The following MAGI1 variants were observed in gnomAD, a reference collection of about 807,000 sequenced individuals.
MAGI1 encodes membrane-associated guanylate kinase, WW and PDZ domain-containing protein 1.
MAGI1 carries 58 observed loss-of-function variants against 139.9 expected under a neutral mutation model. That is an observed-to-expected ratio of 0.41 (90% confidence interval 0.34 to 0.52). The LOEUF (loss-of-function observed/expected upper bound fraction) is 0.52. Ranked by LOEUF, MAGI1 falls within the 20% of genes least tolerant of loss-of-function variation. The pLI is 0.12. For missense variants in MAGI1, 1,874 were observed against 1,901.6 expected (o/e 0.99, Z 0.27); for synonymous variants, 812 against 737.9 (o/e 1.10, Z -1.63).
intron 3 of MAGI1, among the ~76,000 whole-genome samples, chr3:65,492,564 T>C (rs894701914): frequency 1.3e-5 from 2 of 152,174 alleles, no homozygotes; most frequent in Non-Finnish European, 2.9e-5. Flanking sequence ...TATTAAGACA[T>C]ACTGTTAAAC....
chr3:65,641,373 A>G (rs549015355), intron 1 of MAGI1, among the ~76,000 whole-genome samples: 1 of 152,316 alleles, frequency 6.6e-6, no homozygotes, highest in South Asian at 2.1e-4. Flanking sequence ...ACCAGCGCCT[A>G]GGCCCCCACT....
chr3:65,953,533 C>T (rs2063965940), intron 1 of MAGI1, among the ~76,000 whole-genome samples: 1 of 152,206 alleles, frequency 6.6e-6, no homozygotes, highest in Admixed American at 6.5e-5. Context: ...TCTGTTGACA[C>T]TGTTGCCAGG....
chr3:65,778,193 G>A (rs1414596587), intron 1 of MAGI1, among the ~76,000 whole-genome samples: 3 of 152,102 alleles, frequency 2.0e-5, no homozygotes, highest in Non-Finnish European at 4.4e-5. Flanking sequence ...ACTTTGGGGG[G>A]CCAAGGCTGG....
intron 1 of MAGI1, among the ~76,000 whole-genome samples, chr3:65,707,576 G>C (rs1448839168): frequency 6.6e-6 from 1 of 151,602 alleles, no homozygotes; most frequent in Non-Finnish European, 1.5e-5. Flanking sequence ...TGTAGGCCCA[G>C]CTACTTGGGA....
chr3:65,746,723 T>C (rs913709889), intron 1 of MAGI1, among the ~76,000 whole-genome samples: 1 of 152,140 alleles, frequency 6.6e-6, no homozygotes, highest in Admixed American at 6.5e-5. Flanking sequence ...AGAAATAAAC[T>C]ATATTCAAGC....
intron 1 of MAGI1, among the ~76,000 whole-genome samples, chr3:65,910,854 A>ATTTTTTTTTTTTTTT (rs1560003976): frequency 2.5e-4 from 3 of 11,900 alleles, no homozygotes; most frequent in African/African-American, 5.7e-4. Flanking sequence ...GACATGGTGG[A>ATTTTTTTTTTTTTTT]CTTTTTTTTT....
In MAGI1 at chr3:66,017,380, A is replaced by C. The variant is rs954664840; in HGVS notation, c.313+20616T>G. 3.9e-5 allele frequency among the ~76,000 whole-genome samples: 6 copies of C among 152,228 alleles called. No individual in the cohort carries two copies. The East Asian group carries it at 1.2e-3, about 29-fold the overall frequency. On this transcript the variant is annotated intron_variant, in intron 1 of 22. Coordinates refer to ENST00000402939, the MANE Select transcript of MAGI1 (RefSeq NM_001033057.2). ...GGCACCAACGTCTCCCTCCCAACGG[A>C]GGGTGCAAGGAAGGGTGCCTGGCCT... is the stretch of plus-strand genomic sequence containing the variant.
chr3:65,516,641 C>G (rs1376695281), intron 2 of MAGI1, among the ~76,000 whole-genome samples: 2 of 150,798 alleles, frequency 1.3e-5, no homozygotes, highest in Non-Finnish European at 3.0e-5. Flanking sequence ...AAAACCTTAT[C>G]ACAATCATGA....
Position 65,402,454 on chromosome 3 carries a change from C to T in MAGI1, c.2168-984G>A, listed in dbSNP as rs78026541. Among the ~76,000 whole-genome samples the T allele has an allele frequency of 5.6e-3, 853 of 152,210 alleles. 16 individuals carry two copies. The East Asian group carries it at 0.067, about 12-fold the overall frequency. ...AGACAGGCGAGAAAGGAAAATAAAGCGTACACTGGTGTTTCAAAAGTAATC... is the reference window on the plus strand; with the variant it reads ...AGACAGGCGAGAAAGGAAAATAAAGTGTACACTGGTGTTTCAAAAGTAATC... On this transcript the variant is annotated intron_variant, in intron 12 of 22. Coordinates refer to ENST00000402939, the MANE Select transcript of MAGI1 (RefSeq NM_001033057.2).
intron 1 of MAGI1, among the ~76,000 whole-genome samples, chr3:65,866,829 A>C (rs1575764155): frequency 6.6e-6 from 1 of 152,196 alleles, no homozygotes; most frequent in Admixed American, 6.5e-5. Context: ...GTGGTCCCTT[A>C]CCAAGAGCAA....
intron 1 of MAGI1, among the ~76,000 whole-genome samples, chr3:65,623,338 CAAAAG>C (rs1230671750): frequency 2.0e-5 from 3 of 151,860 alleles, no homozygotes; most frequent in Non-Finnish European, 2.9e-5. Context: ...CTTAAGAGAA[CAAAAG>C]AAAAGCTAAA....
In MAGI1 at chr3:65,900,000, T is replaced by C. The variant is rs141017731; in HGVS notation, c.313+137996A>G. Among the ~76,000 whole-genome samples, 15 of 152,226 alleles carry C rather than the reference T, an allele frequency of 9.9e-5. No homozygotes were observed. The East Asian group carries it at 2.9e-3, about 29-fold the overall frequency. On this transcript the variant is annotated intron_variant, in intron 1 of 22. Transcript: ENST00000402939. ...CATATCTTGCAGTTAATCACTTACA[T>C]ACTTAGATCAAAGGGAGTAATCAAA...
intron 1 of MAGI1, among the ~76,000 whole-genome samples, chr3:65,715,845 G>A (rs1461835436): frequency 6.6e-6 from 1 of 152,176 alleles, no homozygotes; most frequent in African/African-American, 2.4e-5. Context: ...AAGAGTTTAG[G>A]TTGTAGAATT....
chr3:65,699,109 A>G (rs2089422469), intron 1 of MAGI1, among the ~76,000 whole-genome samples: 2 of 113,320 alleles, frequency 1.8e-5, no homozygotes, highest in Non-Finnish European at 1.8e-5. Flanking sequence ...TTATGCAGCC[A>G]AAAAACACAT....
intron 1 of MAGI1, among the ~76,000 whole-genome samples, chr3:65,884,971 T>A (rs1033812773): frequency 1.3e-5 from 2 of 152,198 alleles, no homozygotes; most frequent in African/African-American, 2.4e-5. Context: ...GAGAGATATA[T>A]AAGGCTGTAT....
intron 2 of MAGI1, among the ~76,000 whole-genome samples, chr3:65,499,731 G>T (rs1164048012): frequency 2.0e-5 from 3 of 152,186 alleles, no homozygotes; most frequent in African/African-American, 7.2e-5. Context: ...AACTATCACT[G>T]CATTTCATTG....
Position 65,478,792 on chromosome 3 carries a change from T to G in MAGI1, c.557A>C (p.Tyr186Ser), listed in dbSNP as rs61746260. 651 of 1,612,256 alleles carry G rather than the reference T, an allele frequency of 4.0e-4. No individual in the cohort carries two copies. Among genetic ancestry groups the G allele is most frequent in the Non-Finnish European group, 5.1e-4 (599 of 1,178,538 alleles). Reference protein sequence around the residue: ...LLEVGTYEGNYYGTPKPPSQP... With the variant: ...LLEVGTYEGNSYGTPKPPSQP... ...GCTAGGAGGCTTGGGTGTCCCATAATAGTTTCCTAGGTGATGGAGAGACAC... is the reference window on the plus strand; with the variant it reads ...GCTAGGAGGCTTGGGTGTCCCATAAGAGTTTCCTAGGTGATGGAGAGACAC... Residue 186 changes from tyrosine to serine, a missense_variant, in exon 4 of 23, where the codon TAT (tyrosine) becomes TCT (serine). Transcript: ENST00000402939.
At chr3:66,032,264 T>G (rs2068646971) in intron 1 of MAGI1, among the ~76,000 whole-genome samples, 2 of 151,970 alleles carry the variant, frequency 1.3e-5, no homozygotes, top group South Asian at 2.1e-4. Context: ...CAGGCTGGAG[T>G]GCAGTGGCGC....
At chr3:65,957,443 C>T (rs1313235525) in intron 1 of MAGI1, among the ~76,000 whole-genome samples, 1 of 149,814 alleles carries the variant, frequency 6.7e-6, no homozygotes, top group Non-Finnish European at 1.5e-5. Context: ...ATCGCTTGAG[C>T]CTGGGAGGTG....
Sources: allele counts gnomAD v4.1 joint callset (sites outside exome capture counted in the v4.1 genomes callset), GRCh38; gene constraint gnomAD v4.1.1; transcripts MANE v1.5; gene names NCBI Gene and HGNC (gene_info 2026-07-23, HGNC 2026-07-21).